Variants in AUTS2 observed in about 807,000 individuals in gnomAD.
AUTS2 encodes the protein autism susceptibility gene 2 protein.
Under a neutral mutation model 112.4 loss-of-function variants are expected in AUTS2, and 17 were observed. The ratio of observed to expected loss-of-function variants is 0.15; its 90% confidence interval spans 0.10 to 0.23. The LOEUF is 0.23. AUTS2 is among the 10% of genes least tolerant of loss of function. The probability of loss-of-function intolerance (pLI) is 1.00; values close to 1 mark genes in which losing one functional copy is unlikely to be tolerated. For synonymous variants in AUTS2, 751 were observed against 702.7 expected, an observed-to-expected ratio of 1.07 and a Z score of -1.09; for missense variants, 1,510 against 1,701.6, an observed-to-expected ratio of 0.89 and a Z score of 1.98.
chr7:69,696,969 T>C (rs367640442), intron 1 of AUTS2, among the ~76,000 whole-genome samples: 5 of 152,386 alleles, frequency 3.3e-5, no homozygotes, highest in African/African-American at 1.2e-4. Flanking sequence ...TTTAGAGTTA[T>C]CTTATTCAGT....
intron 4 of AUTS2, among the ~76,000 whole-genome samples, chr7:70,299,137 A>C (rs1789082533): frequency 6.6e-6 from 1 of 152,206 alleles, no homozygotes; most frequent in African/African-American, 2.4e-5. Flanking sequence ...TTTCCAAATA[A>C]AGATTGCAAT....
chr7:69,799,427 A>T (rs1393406197), intron 1 of AUTS2, among the ~76,000 whole-genome samples: 2 of 152,228 alleles, frequency 1.3e-5, no homozygotes, highest in East Asian at 3.9e-4. Context: ...CAAAGTCTCC[A>T]TTTTAAACCA....
chr7:69,817,138 A>G (rs1790796931), intron 1 of AUTS2, among the ~76,000 whole-genome samples: 1 of 152,200 alleles, frequency 6.6e-6, no homozygotes, highest in South Asian at 2.1e-4. Flanking sequence ...GGGACTCCAC[A>G]CCAGTGACAG....
intron 14 of AUTS2, among the ~76,000 whole-genome samples, chr7:70,779,746 G>A (rs1054144836): frequency 6.6e-6 from 1 of 152,160 alleles, no homozygotes; most frequent in Non-Finnish European, 1.5e-5. Flanking sequence ...GATCAGAAGA[G>A]TAGCCAGGCA....
chr7:70,133,604 G>A (rs542136185), intron 3 of AUTS2, among the ~76,000 whole-genome samples: 1 of 152,168 alleles, frequency 6.6e-6, no homozygotes, highest in African/African-American at 2.4e-5. Flanking sequence ...CAGGGAAGAA[G>A]CCTGGCTGGT....
chr7:70,708,290 G>C (rs1465504078), intron 6 of AUTS2, among the ~76,000 whole-genome samples: 1 of 152,194 alleles, frequency 6.6e-6, no homozygotes, highest in Admixed American at 6.5e-5. Flanking sequence ...TTGGGCTTCT[G>C]TGAAGGCTTC....
intron 2 of AUTS2, among the ~76,000 whole-genome samples, chr7:69,941,029 GC>G (rs570341353): frequency 6.6e-6 from 1 of 152,322 alleles, no homozygotes; most frequent in South Asian, 2.1e-4. Flanking sequence ...GGATGGCTTT[GC>G]CCAGTTAGAG....
intron 2 of AUTS2, among the ~76,000 whole-genome samples, chr7:69,946,409 C>G (rs1321146629): frequency 6.6e-6 from 1 of 152,112 alleles, no homozygotes; most frequent in Non-Finnish European, 1.5e-5. Flanking sequence ...ATCTGCTTCT[C>G]AGTATATATC....
intron 5 of AUTS2, among the ~76,000 whole-genome samples, chr7:70,525,070 A>G (rs1799786825): frequency 6.6e-6 from 1 of 152,076 alleles, no homozygotes; most frequent in Admixed American, 6.5e-5. Context: ...CCTTGAGGTT[A>G]TTTTTTCCAG....
intron 4 of AUTS2, among the ~76,000 whole-genome samples, chr7:70,138,103 G>A (rs1329407313): frequency 6.6e-6 from 1 of 152,186 alleles, no homozygotes; most frequent in Non-Finnish European, 1.5e-5. Context: ...TTCCTCAGAA[G>A]CATTTGAAGT....
At chr7:70,275,325 G>A (rs1342608023) in intron 4 of AUTS2, among the ~76,000 whole-genome samples, 1 of 152,136 alleles carries the variant, frequency 6.6e-6, no homozygotes, top group African/African-American at 2.4e-5. Flanking sequence ...AATATTGTGG[G>A]ATTTCACTGC....
intron 4 of AUTS2, among the ~76,000 whole-genome samples, chr7:70,340,188 A>G (rs1253307706): frequency 6.6e-6 from 1 of 151,840 alleles, no homozygotes; most frequent in Non-Finnish European, 1.5e-5. Flanking sequence ...ACACACACAC[A>G]CACACACCCC....
At chr7:69,901,295 G>A (rs1171162639) in intron 2 of AUTS2, among the ~76,000 whole-genome samples, 2 of 150,782 alleles carry the variant, frequency 1.3e-5, no homozygotes, top group African/African-American at 2.4e-5. Flanking sequence ...TCAGGCCCCC[G>A]CCCCAGCAGG....
chr7:69,606,322 A>G (rs931738834), intron 1 of AUTS2, among the ~76,000 whole-genome samples: 2 of 150,954 alleles, frequency 1.3e-5, no homozygotes, highest in Non-Finnish European at 2.9e-5. Context: ...GATGGACACA[A>G]CAATAGTTGA....
At chr7:70,432,505 T>C (rs550419042) in intron 4 of AUTS2, among the ~76,000 whole-genome samples, 1 of 152,322 alleles carries the variant, frequency 6.6e-6, no homozygotes, top group South Asian at 2.1e-4. Flanking sequence ...GCCTCCCTTT[T>C]TCATAAAGCA....
At chr7:69,969,430 T>C (rs968258450) in intron 2 of AUTS2, among the ~76,000 whole-genome samples, 2 of 152,182 alleles carry the variant, frequency 1.3e-5, no homozygotes, top group African/African-American at 4.8e-5. Flanking sequence ...ATATTCGTCT[T>C]GATTTTATGA....
At chr7:70,178,363 T>A (rs1809108274) in intron 4 of AUTS2, among the ~76,000 whole-genome samples, 1 of 152,184 alleles carries the variant, frequency 6.6e-6, no homozygotes, top group Non-Finnish European at 1.5e-5. Flanking sequence ...GTTGGTTCTC[T>A]TGGTTTCCTT....
At chr7:70,656,360 A>G (rs775056826) in intron 5 of AUTS2, among the ~76,000 whole-genome samples, 34 of 152,108 alleles carry the variant, frequency 2.2e-4, no homozygotes, top group Non-Finnish European at 4.4e-4. Context: ...TTCATGGAAT[A>G]GTTTAAATAT....
At chr7:70,422,301 C>T (rs997688980) in intron 4 of AUTS2, among the ~76,000 whole-genome samples, 1 of 152,320 alleles carries the variant, frequency 6.6e-6, no homozygotes, top group Non-Finnish European at 1.5e-5. Context: ...AATATGAGAG[C>T]ACCATTGTCC....
Sources: allele counts gnomAD v4.1 joint callset (sites outside exome capture counted in the v4.1 genomes callset), GRCh38; gene constraint gnomAD v4.1.1; transcripts MANE v1.5; gene names NCBI Gene and HGNC (gene_info 2026-07-23, HGNC 2026-07-21).